Variants in DIP2B observed in about 807,000 individuals in gnomAD.
The protein encoded by DIP2B is DIP2 acetate--CoA ligase B (putative), also known as disco-interacting protein 2 homolog B.
Under a neutral mutation model 198.0 loss-of-function variants are expected in DIP2B, and 76 were observed. That is an observed-to-expected ratio of 0.38 (90% CI 0.32 to 0.46). DIP2B has a LOEUF of 0.46. DIP2B is among the 20% of genes least tolerant of loss of function. DIP2B has a pLI of 0.99. For missense variants in DIP2B, 1,559 were observed against 1,978.4 expected (o/e 0.79, Z 4.02); for synonymous variants, 701 against 739.1 (o/e 0.95, Z 0.84).
intron 3 of DIP2B, among the ~76,000 whole-genome samples, chr12:50,658,881 G>C (rs1034833920): frequency 6.6e-6 from 1 of 152,174 alleles, no homozygotes; most frequent in Non-Finnish European, 1.5e-5. Flanking sequence ...AAGGTCAGGA[G>C]TTCAAGGCCA....
intron 5 of DIP2B, among the ~76,000 whole-genome samples, 183 bp downstream of exon 5, chr12:50,671,581 G>A (rs1414246468): frequency 1.3e-5 from 2 of 152,202 alleles, no homozygotes; most frequent in Non-Finnish European, 2.9e-5. Context: ...AGGAATAATA[G>A]ATAACACCTG....
At chr12:50,647,645 T>C (rs937450385) in intron 3 of DIP2B, among the ~76,000 whole-genome samples, 6 of 152,158 alleles carry the variant, frequency 3.9e-5, no homozygotes, top group African/African-American at 1.2e-4. Flanking sequence ...ACCTCTCTGC[T>C]TTATGACTCA....
chr12:50,743,519 T>C (rs1434753658), intron 37 of DIP2B: 1 of 152,214 alleles, frequency 6.6e-6, no homozygotes, highest in East Asian at 1.9e-4. Flanking sequence ...TAATAACTCA[T>C]GTGAGTCAGA....
At chr12:50,729,203 A>G (rs1354277602) in intron 30 of DIP2B, among the ~76,000 whole-genome samples, 2 of 152,190 alleles carry the variant, frequency 1.3e-5, no homozygotes, top group East Asian at 1.9e-4. Flanking sequence ...AATGCTTCAC[A>G]GATGCCTGCA....
At position 50,708,476 on chromosome 12, in the gene DIP2B, TATG is replaced by T. The variant is rs767178960; in HGVS notation, c.2568_2570del (p.Asp856del). ...TGCTGTGTTTTCTGTGTCTGTATTT[TATG>T]ATGAGCGCATTGTGGTGGTTGCGGA... On this transcript the variant is annotated inframe_deletion, in exon 22 of 38. Coordinates refer to ENST00000301180, the MANE Select transcript of DIP2B (RefSeq NM_173602.3). The T allele has an allele frequency of 6.2e-7, 1 of 1,606,090 alleles. No individual in the cohort carries two copies. Among genetic ancestry groups the T allele is most frequent in the Non-Finnish European group, 8.5e-7 (1 of 1,175,830 alleles).
chr12:50,581,606 C>T (rs1399327938), intron 1 of DIP2B, among the ~76,000 whole-genome samples: 2 of 149,188 alleles, frequency 1.3e-5, no homozygotes, highest in African/African-American at 2.5e-5. Context: ...CTGATTTCTC[C>T]TCCATAGCGT....
rs117798458 is a variant in DIP2B, at chr12:50,665,825, G to T, written c.428-5361G>T. On this transcript the variant is annotated intron_variant, in intron 4 of 37. Coordinates refer to ENST00000301180, the MANE Select transcript of DIP2B (RefSeq NM_173602.3). ...TTCCCTAATAGATACTCACGTGTAT[G>T]CATGGTACTGGAATGAGCATTTTTA... is the stretch of plus-strand genomic sequence containing the variant. Among the ~76,000 whole-genome samples, 137 of 151,694 alleles carry T rather than the reference G, an allele frequency of 9.0e-4. 2 individuals are homozygous for T. The highest frequency in any genetic ancestry group is 1.7e-3 in the Non-Finnish European group (114 of 67,926).
intron 12 of DIP2B, among the ~76,000 whole-genome samples, chr12:50,687,898 T>TA (rs1939158218): frequency 6.9e-6 from 1 of 143,902 alleles, no homozygotes; most frequent in East Asian, 2.2e-4. Context: ...AAAAGTAAAA[T>TA]TAAAAAAAAA....
intron 14 of DIP2B, among the ~76,000 whole-genome samples, chr12:50,695,044 A>C (rs556634825): frequency 3.3e-5 from 5 of 152,184 alleles, no homozygotes; most frequent in Non-Finnish European, 5.9e-5. Context: ...ATATCTGTCA[A>C]ATTTGTAACT....
intron 6 of DIP2B, 127 bp from the exon 7 acceptor site, chr12:50,675,202 C>A: frequency 8.7e-7 from 1 of 1,149,506 alleles, no homozygotes; most frequent in Non-Finnish European, 1.2e-6. Flanking sequence ...ATATTTGGTC[C>A]ACTTGAAAGA....
chr12:50,643,712 G>A (rs1240785625), intron 3 of DIP2B, among the ~76,000 whole-genome samples: 8 of 152,082 alleles, frequency 5.3e-5, no homozygotes, highest in Admixed American at 5.2e-4. Flanking sequence ...CTCCGAATAA[G>A]AAGAAATCAG....
At chr12:50,677,402 T>G (rs1879622) in intron 7 of DIP2B, among the ~76,000 whole-genome samples, 144,056 of 152,160 alleles carry the variant, frequency 0.95, 68,635 homozygotes, top group Non-Finnish European at 1. Context: ...CGAGTGGGAA[T>G]TCAGGAGTTC....
chr12:50,739,209 T>C (rs1217864860), intron 35 of DIP2B, among the ~76,000 whole-genome samples, 200 bp from the exon 36 acceptor site: 4 of 152,226 alleles, frequency 2.6e-5, no homozygotes, highest in Admixed American at 6.5e-5. Context: ...GTATGAACTA[T>C]GTTGTCATGT....
At chr12:50,553,168 G>T (rs1380714201) in intron 1 of DIP2B, among the ~76,000 whole-genome samples, 1 of 152,172 alleles carries the variant, frequency 6.6e-6, no homozygotes, top group African/African-American at 2.4e-5. Flanking sequence ...TCAGATAAAG[G>T]TACATCTTCA....
chr12:50,513,359 G>A (rs774774425), intron 1 of DIP2B, among the ~76,000 whole-genome samples: 1 of 152,126 alleles, frequency 6.6e-6, no homozygotes, highest in Non-Finnish European at 1.5e-5. Flanking sequence ...AAGACTTGCT[G>A]GTCTGTTTCA....
intron 1 of DIP2B, among the ~76,000 whole-genome samples, chr12:50,600,008 T>A (rs949209196): frequency 1.3e-5 from 2 of 152,174 alleles, no homozygotes; most frequent in Non-Finnish European, 2.9e-5. Flanking sequence ...GGAAAAAAAA[T>A]TGAAATATTG....
At chr12:50,670,185 A>G (rs948028725) in intron 4 of DIP2B, among the ~76,000 whole-genome samples, 1 of 125,714 alleles carries the variant, frequency 8.0e-6, no homozygotes, top group Non-Finnish European at 1.6e-5. Flanking sequence ...TCCTGAAGTC[A>G]GAGCCAAGCT....
At chr12:50,530,188 C>T (rs981179225) in intron 1 of DIP2B, among the ~76,000 whole-genome samples, 10 of 152,010 alleles carry the variant, frequency 6.6e-5, no homozygotes, top group Admixed American at 5.2e-4. Flanking sequence ...GCCATTCTCC[C>T]GCTTCAGCCT....
chr12:50,677,645 T>A (rs1288958427), intron 7 of DIP2B, among the ~76,000 whole-genome samples: 1 of 152,016 alleles, frequency 6.6e-6, no homozygotes, highest in Non-Finnish European at 1.5e-5. Context: ...AGGATTCTTT[T>A]TTTGATTTTT....
Sources: gnomAD v4.1 joint callset for allele counts (sites outside exome capture counted in the v4.1 genomes callset) on GRCh38, gnomAD v4.1.1 for gene constraint, MANE v1.5 for transcripts, NCBI Gene and HGNC (gene_info 2026-07-23, HGNC 2026-07-21) for gene names.